Variants in PAPPA2 observed in about 807,000 individuals in gnomAD.
The protein encoded by PAPPA2 is pappalysin 2.
In PAPPA2, 86 loss-of-function variants were observed where a neutral mutation model predicts 176.4. The ratio of observed to expected loss-of-function variants is 0.49; its 90% CI spans 0.41 to 0.58. The LOEUF (loss-of-function observed/expected upper bound fraction) is 0.58. PAPPA2 is among the 20% of genes least tolerant of loss of function. The probability of loss-of-function intolerance (pLI) is 0.00; values close to 1 mark genes in which losing one functional copy is unlikely to be tolerated. For missense variants in PAPPA2, 2,073 were observed against 2,256.9 expected, an observed-to-expected ratio of 0.92 and a Z score of 1.65; for synonymous variants, 809 against 852.2, an observed-to-expected ratio of 0.95 and a Z score of 0.88.
intron 3 of PAPPA2, among the ~76,000 whole-genome samples, chr1:176,627,482 C>T (rs574849121): frequency 4.6e-5 from 7 of 152,228 alleles, no homozygotes; most frequent in Admixed American, 6.5e-5. Context: ...AGTTCCTGGT[C>T]GAAAGCTCTT....
At chr1:176,685,689 A>G (rs1659806262) in intron 4 of PAPPA2, among the ~76,000 whole-genome samples, 1 of 152,204 alleles carries the variant, frequency 6.6e-6, no homozygotes, top group Non-Finnish European at 1.5e-5. Context: ...CCTCCCCACC[A>G]GGGGAAGACT....
At chr1:176,741,260 A>T (rs1020695113) in intron 14 of PAPPA2, among the ~76,000 whole-genome samples, 3 of 152,188 alleles carry the variant, frequency 2.0e-5, no homozygotes, top group Non-Finnish European at 2.9e-5. Context: ...TCAAACCTCA[A>T]GCAGAGCTGG....
At position 176,749,059 on chromosome 1, in the gene PAPPA2, G is replaced by A. The variant is rs1418289060; in HGVS notation, c.4151+8863G>A. On this transcript the variant is annotated intron_variant, in intron 14 of 22. Coordinates refer to ENST00000367662, the MANE Select transcript of PAPPA2 (RefSeq NM_020318.3). ...TGGATAATTGAGAGTTAGCAGTTTTGATCCAGTATCTATCATACACATACA... is the reference window on the plus strand; with the variant it reads ...TGGATAATTGAGAGTTAGCAGTTTTAATCCAGTATCTATCATACACATACA... 5.1e-4 allele frequency among the ~76,000 whole-genome samples: 4 copies of A among 7,848 alleles called. No homozygotes were observed. The East Asian group carries it at 0.032, about 63-fold the overall frequency. 5.1% of individuals were successfully genotyped at this position (7,848 alleles called of 152,430 possible). A position where few individuals can be genotyped will look rare whatever the true frequency, so the allele number is the denominator to read the frequency against.
intron 1 of PAPPA2, among the ~76,000 whole-genome samples, chr1:176,525,028 G>C (rs10913195): frequency 0.14 from 20,664 of 152,050 alleles, 1,573 homozygotes; most frequent in South Asian, 0.18. Context: ...GCCTACAGAA[G>C]GAGACTCCGT....
At chr1:176,796,810 C>CTG (rs1325074253) in intron 20 of PAPPA2, among the ~76,000 whole-genome samples, 1 of 148,632 alleles carries the variant, frequency 6.7e-6, no homozygotes, top group Non-Finnish European at 1.5e-5. Flanking sequence ...CCCTCTCTCT[C>CTG]CTCTTTCTTT....
intron 3 of PAPPA2, among the ~76,000 whole-genome samples, chr1:176,637,111 C>T (rs944309408): frequency 1.3e-4 from 19 of 151,784 alleles, no homozygotes; most frequent in South Asian, 6.3e-4. Context: ...TGGGGGATAG[C>T]GTGCATGAAA....
At chr1:176,697,120 A>G (rs1660422052) in intron 7 of PAPPA2, among the ~76,000 whole-genome samples, 1 of 151,762 alleles carries the variant, frequency 6.6e-6, no homozygotes. Flanking sequence ...TTTCCTTTTT[A>G]TTTCTAGGGG....
chr1:176,566,617 G>A (rs1053921304), intron 2 of PAPPA2, among the ~76,000 whole-genome samples: 1 of 151,138 alleles, frequency 6.6e-6, no homozygotes, highest in African/African-American at 2.4e-5. Context: ...AAGATTGTCA[G>A]GTTGGAAATA....
intron 3 of PAPPA2, among the ~76,000 whole-genome samples, chr1:176,599,726 CTTTTT>C (rs1255879731): frequency 6.6e-6 from 1 of 151,488 alleles, no homozygotes; most frequent in Non-Finnish European, 1.5e-5. Context: ...GTCAACTTTT[CTTTTT>C]TTATTATATT....
intron 12 of PAPPA2, among the ~76,000 whole-genome samples, chr1:176,720,823 T>C (rs1272318765): frequency 6.6e-6 from 1 of 152,136 alleles, no homozygotes; most frequent in Non-Finnish European, 1.5e-5. Flanking sequence ...CATAATTCTG[T>C]CTGAGGCCAA....
intron 12 of PAPPA2, among the ~76,000 whole-genome samples, chr1:176,732,061 G>T (rs988125807): frequency 6.6e-6 from 1 of 152,104 alleles, no homozygotes; most frequent in Non-Finnish European, 1.5e-5. Context: ...ATTCAGAGAT[G>T]ACTTCAACCA....
intron 4 of PAPPA2, among the ~76,000 whole-genome samples, chr1:176,675,773 C>A (rs994417235): frequency 6.6e-6 from 1 of 151,916 alleles, no homozygotes; most frequent in African/African-American, 2.4e-5. Flanking sequence ...ACCACAGATT[C>A]TAGATATTTT....
Position 176,769,406 on chromosome 1 carries a change from C to T in PAPPA2, c.4324-201C>T, listed in dbSNP as rs74382404. Among the ~76,000 whole-genome samples the T allele has an allele frequency of 4.9e-3, 740 of 152,276 alleles. 10 individuals carry two copies. The highest frequency in any genetic ancestry group is 0.017 in the African/African-American group (705 of 41,552). ...CCATGTCGTGATTCTCTGACACTAGCAGGCTTCTTTTATCAGCATCATACT... is the reference window on the plus strand; with the variant it reads ...CCATGTCGTGATTCTCTGACACTAGTAGGCTTCTTTTATCAGCATCATACT... On this transcript the variant is annotated intron_variant, in intron 15 of 22. Coordinates refer to ENST00000367662, the MANE Select transcript of PAPPA2 (RefSeq NM_020318.3).
intron 3 of PAPPA2, among the ~76,000 whole-genome samples, chr1:176,656,140 TATC>T (rs1203916167): frequency 1.3e-5 from 2 of 151,904 alleles, no homozygotes; most frequent in African/African-American, 4.8e-5. Flanking sequence ...CAACTTAACA[TATC>T]ATCTTGCATA....
intron 17 of PAPPA2, among the ~76,000 whole-genome samples, chr1:176,783,841 A>G (rs1027728745): frequency 5.9e-5 from 9 of 152,150 alleles, no homozygotes; most frequent in African/African-American, 1.9e-4. Flanking sequence ...TAGTTTACCA[A>G]CCTGGCTGCA....
intron 2 of PAPPA2, among the ~76,000 whole-genome samples, chr1:176,575,363 A>G (rs901108156): frequency 2.6e-5 from 4 of 152,184 alleles, no homozygotes; most frequent in African/African-American, 9.7e-5. Flanking sequence ...TAATATAATC[A>G]TTATAATTTT....
At chr1:176,828,620 G>A (rs749793714) in intron 21 of PAPPA2, among the ~76,000 whole-genome samples, 14 of 151,744 alleles carry the variant, frequency 9.2e-5, no homozygotes, top group African/African-American at 1.7e-4. Context: ...ATATACATAC[G>A]GATATATGTA....
In PAPPA2 at chr1:176,671,437, C is replaced by G. The variant is rs146147432; in HGVS notation, c.2137+322C>G. Among the ~76,000 whole-genome samples, 7 of 152,234 alleles carry G rather than the reference C, an allele frequency of 4.6e-5. No homozygotes were observed. The East Asian group carries it at 1.4e-3, about 29-fold the overall frequency. Reference sequence around the variant, plus strand: ...CCCAAGTGGGGAACTATCAAAATATCCAGAAGGTGGCTGGACTGTGAAACC... The same window carrying G: ...CCCAAGTGGGGAACTATCAAAATATGCAGAAGGTGGCTGGACTGTGAAACC... On this transcript the variant is annotated intron_variant, in intron 4 of 22. Coordinates refer to ENST00000367662, the MANE Select transcript of PAPPA2 (RefSeq NM_020318.3).
chr1:176,806,836 A>G (rs1665927245), intron 21 of PAPPA2, among the ~76,000 whole-genome samples: 2 of 152,138 alleles, frequency 1.3e-5, no homozygotes, highest in African/African-American at 4.8e-5. Context: ...CCTTCCAAGT[A>G]GATTTTGGTT....
Sources: allele counts gnomAD v4.1 joint callset (sites outside exome capture counted in the v4.1 genomes callset), GRCh38; gene constraint gnomAD v4.1.1; transcripts MANE v1.5; gene names NCBI Gene and HGNC (gene_info 2026-07-23, HGNC 2026-07-21).